Variants in RPRD1A observed in about 807,000 individuals in gnomAD.
RPRD1A encodes the protein regulation of nuclear pre-mRNA domain-containing protein 1A.
RPRD1A carries 9 observed loss-of-function variants against 37.8 expected under a neutral mutation model. The observed-to-expected ratio is 0.24, with a 90% CI of 0.14 to 0.42. The LOEUF is 0.42. RPRD1A is among the 10% of genes least tolerant of loss of function. The pLI, the probability that RPRD1A is intolerant of heterozygous loss-of-function variation, is 1.00. For synonymous variants in RPRD1A, 138 were observed against 139.7 expected, an observed-to-expected ratio of 0.99 and a Z score of 0.08; for missense variants, 255 against 371.0, an observed-to-expected ratio of 0.69 and a Z score of 2.57.
rs189602389 is a variant in RPRD1A, at chr18:36,017,203, G to A, written c.789+9697C>T. ...CACTCGCCTGTAGTCCCAGCTACTC[G>A]GGAGGCTGATCACCTGAGCCCTGGG... On this transcript the variant is annotated intron_variant, in intron 6 of 6. Coordinates refer to ENST00000399022, the MANE Select transcript of RPRD1A (RefSeq NM_018170.5). 4.6e-4 allele frequency among the ~76,000 whole-genome samples: 70 copies of A among 152,134 alleles called. 1 individual carries two copies. Among genetic ancestry groups the A allele is most frequent in the African/African-American group, 1.5e-3 (64 of 41,502 alleles).
In RPRD1A at chr18:36,015,167, CAT is replaced by C. The variant is rs1183932261; in HGVS notation, c.789+11731_789+11732del. 5.5e-3 allele frequency among the ~76,000 whole-genome samples: 534 copies of C among 97,832 alleles called. 1 individual carries two copies. The highest frequency in any genetic ancestry group is 0.017 in the African/African-American group (459 of 27,248). 64.2% of individuals were successfully genotyped at this position (97,832 alleles called of 152,430 possible). A position where few individuals can be genotyped will look rare whatever the true frequency, so the allele number is the denominator to read the frequency against. On this transcript the variant is annotated intron_variant, in intron 6 of 6. Transcript: ENST00000399022. ...ACACACACACACACACATATATACA[CAT>C]ATATACACACACACACACACACACA...
chr18:36,050,711 A>AT (rs143538995), intron 1 of RPRD1A, among the ~76,000 whole-genome samples: 33,909 of 143,188 alleles, frequency 0.24, 3,890 homozygotes, highest in East Asian at 0.27. Flanking sequence ...TAATTTTTGT[A>AT]TTTTTTTTTT....
intron 6 of RPRD1A, among the ~76,000 whole-genome samples, chr18:35,995,268 T>G (rs1005887565): frequency 5.4e-5 from 8 of 148,728 alleles, no homozygotes; most frequent in Non-Finnish European, 9.0e-5. Flanking sequence ...TTCGTTTTTT[T>G]TTTTTTTTTT....
At chr18:36,051,220 C>A (rs928378430) in intron 1 of RPRD1A, among the ~76,000 whole-genome samples, 1 of 152,010 alleles carries the variant, frequency 6.6e-6, no homozygotes, top group African/African-American at 2.4e-5. Context: ...TCAAGACGTG[C>A]GTCAATATAG....
Position 36,008,589 on chromosome 18 carries a change from A to ATATATATC in RPRD1A, c.790-15290_790-15289insGATATATA, listed in dbSNP as rs71381561. Among the ~76,000 whole-genome samples the ATATATATC allele has an allele frequency of 1.7e-3, 156 of 90,822 alleles. 24 individuals carry two copies. Among genetic ancestry groups the ATATATATC allele is most frequent in the Admixed American group, 3.2e-3 (25 of 7,722 alleles). 59.6% of individuals were successfully genotyped at this position (90,822 alleles called of 152,430 possible). A position where few individuals can be genotyped will look rare whatever the true frequency, so the allele number is the denominator to read the frequency against. On this transcript the variant is annotated intron_variant, in intron 6 of 6. Coordinates refer to ENST00000399022, the MANE Select transcript of RPRD1A (RefSeq NM_018170.5). ...AGACCTTGTGTGTGTATATATATAT[A>ATATATATC]TCTTTAAAAATCTCTCTAGGAAAAA...
intron 6 of RPRD1A, among the ~76,000 whole-genome samples, chr18:36,003,871 C>T (rs1294077017): frequency 1.3e-5 from 2 of 151,794 alleles, no homozygotes; most frequent in Non-Finnish European, 2.9e-5. Flanking sequence ...TAATCACAGC[C>T]CACTGTAGTC....
intron 6 of RPRD1A, among the ~76,000 whole-genome samples, chr18:35,997,053 A>G (rs1322631437): frequency 6.6e-6 from 1 of 151,976 alleles, no homozygotes; most frequent in African/African-American, 2.4e-5. Flanking sequence ...ACTACAGCAA[A>G]TATATTGAAG....
In RPRD1A at chr18:36,057,199, G is replaced by A. The variant is rs923388575; in HGVS notation, c.151+10055C>T. 2.0e-5 allele frequency among the ~76,000 whole-genome samples: 3 copies of A among 151,412 alleles called. No homozygotes were observed. In the South Asian group the frequency reaches 6.3e-4, roughly 32 times the overall value. On this transcript the variant is annotated intron_variant, in intron 1 of 6. Transcript: ENST00000399022. ...CCACCACACTCCAGCCTGGGCAACA[G>A]AGCCAAACCCTGTCTCTCAAAAAAC... is the stretch of plus-strand genomic sequence containing the variant.
intron 1 of RPRD1A, among the ~76,000 whole-genome samples, chr18:36,049,213 A>C (rs1490054942): frequency 2.6e-5 from 4 of 152,192 alleles, no homozygotes; most frequent in Non-Finnish European, 5.9e-5. Context: ...CCCATGGATT[A>C]TTTTTACAAG....
intron 6 of RPRD1A, among the ~76,000 whole-genome samples, chr18:36,008,024 T>C (rs116617616): frequency 0.017 from 2,528 of 151,446 alleles, 92 homozygotes; most frequent in Admixed American, 0.081. Context: ...CACAACTGCT[T>C]ATGTCCAAAG....
At chr18:36,058,403 T>A (rs1183373975) in intron 1 of RPRD1A, among the ~76,000 whole-genome samples, 1 of 152,158 alleles carries the variant, frequency 6.6e-6, no homozygotes, top group Non-Finnish European at 1.5e-5. Context: ...ATTTATTTTA[T>A]CAAGAAAAAA....
chr18:36,015,131 T>TACACACACACACACACACACACAC (rs201284977), intron 6 of RPRD1A, among the ~76,000 whole-genome samples: 1 of 122,894 alleles, frequency 8.1e-6, no homozygotes, highest in African/African-American at 3.1e-5. Context: ...GGGTCTCACA[T>TACACACACACACACACACACACAC]ACACACACAC....
intron 6 of RPRD1A, among the ~76,000 whole-genome samples, chr18:36,013,427 T>G (rs1329709560): frequency 1.3e-5 from 2 of 152,122 alleles, no homozygotes; most frequent in African/African-American, 4.8e-5. Context: ...AAAAAAACTA[T>G]AAACTGAGAA....
intron 6 of RPRD1A, among the ~76,000 whole-genome samples, chr18:36,003,809 G>T (rs749626980): frequency 1.3e-5 from 2 of 151,648 alleles, no homozygotes; most frequent in African/African-American, 4.9e-5. Context: ...GTTTCTGTTT[G>T]TTTTTTTAAG....
At chr18:36,039,183 T>A in intron 1 of RPRD1A, among the ~76,000 whole-genome samples, 1 of 152,200 alleles carries the variant, frequency 6.6e-6, no homozygotes, top group East Asian at 1.9e-4. Context: ...CAAATTATAA[T>A]CTCCACATGT....
At chr18:36,025,022 T>C (rs772816793) in intron 6 of RPRD1A, 1 of 152,222 alleles carries the variant, frequency 6.6e-6, no homozygotes, top group Non-Finnish European at 1.5e-5. Flanking sequence ...CAAAAAAAGT[T>C]CCTAGAAGGC....
At chr18:36,008,913 C>T (rs1026037664) in intron 6 of RPRD1A, among the ~76,000 whole-genome samples, 1 of 152,036 alleles carries the variant, frequency 6.6e-6, no homozygotes, top group Non-Finnish European at 1.5e-5. Context: ...CCAAACATTA[C>T]TTTGCTGATA....
intron 1 of RPRD1A, among the ~76,000 whole-genome samples, chr18:36,064,833 T>G (rs985855933): frequency 1.2e-4 from 19 of 152,170 alleles, no homozygotes; most frequent in Admixed American, 1.1e-3. Context: ...TTTGGGTCCC[T>G]GCCGCCTTTA....
chr18:36,040,323 T>G (rs1912491550), intron 1 of RPRD1A, among the ~76,000 whole-genome samples: 1 of 152,182 alleles, frequency 6.6e-6, no homozygotes, highest in African/African-American at 2.4e-5. Context: ...ACGGTCAAGT[T>G]GATAAAAGTC....
Sources: gnomAD v4.1 joint callset for allele counts (sites outside exome capture counted in the v4.1 genomes callset) on GRCh38, gnomAD v4.1.1 for gene constraint, MANE v1.5 for transcripts, NCBI Gene and HGNC (gene_info 2026-07-23, HGNC 2026-07-21) for gene names.